SNTG1: variants seen among roughly 807,000 people sequenced by gnomAD.
SNTG1 encodes the protein gamma-1-syntrophin.
SNTG1 carries 39 observed loss-of-function variants against 74.7 expected under a neutral mutation model. The ratio of observed to expected loss-of-function variants is 0.52; its 90% confidence interval spans 0.40 to 0.68. SNTG1 has a LOEUF of 0.68. Ranked by LOEUF, SNTG1 falls within the 30% of genes least tolerant of loss-of-function variation. The pLI is 0.00. For missense variants in SNTG1, 685 were observed against 609.5 expected, an observed-to-expected ratio of 1.12 and a Z score of -1.30; for synonymous variants, 254 against 217.1, an observed-to-expected ratio of 1.17 and a Z score of -1.49.
intron 1 of SNTG1, among the ~76,000 whole-genome samples, chr8:50,111,838 G>T (rs888219418): frequency 6.6e-6 from 1 of 151,942 alleles, no homozygotes. Context: ...GTAAGGAAAA[G>T]AAAGTATCAG....
At position 50,704,754 on chromosome 8, in the gene SNTG1, T is replaced by A. The variant is rs1465478557; in HGVS notation, c.1191+2T>A. 6.2e-7 allele frequency: 1 copy of A among 1,613,528 alleles called. No individual in the cohort carries two copies. The highest frequency in any genetic ancestry group is 8.5e-7 in the Non-Finnish European group (1 of 1,179,790). The stretch of plus-strand genomic sequence containing the variant: ...TTTCTAGAAGTAGAACGGATACAGG[T>A]GAGAGTCTGTGGGACTGCAGGATGT... On this transcript the variant is annotated splice_donor_variant, in intron 16 of 18. Coordinates refer to ENST00000642720, the MANE Select transcript of SNTG1 (RefSeq NM_018967.5). LOFTEE classifies it high-confidence loss of function.
intron 12 of SNTG1, among the ~76,000 whole-genome samples, chr8:50,567,132 T>C (rs146660395): frequency 2.7e-4 from 41 of 152,156 alleles, no homozygotes; most frequent in African/African-American, 9.9e-4. Context: ...TGGACAAAAT[T>C]AGTTGAAATA....
chr8:50,514,064 A>G (rs918194478), intron 9 of SNTG1, among the ~76,000 whole-genome samples: 2 of 152,148 alleles, frequency 1.3e-5, no homozygotes, highest in African/African-American at 4.8e-5. Flanking sequence ...CTCCCCCTGC[A>G]ATATTTCACT....
At chr8:50,189,136 GA>G (rs1306031438) in intron 2 of SNTG1, among the ~76,000 whole-genome samples, 2 of 152,130 alleles carry the variant, frequency 1.3e-5, no homozygotes, top group Non-Finnish European at 2.9e-5. Flanking sequence ...CCTAGACAAG[GA>G]TATTTTGACA....
At chr8:50,011,383 C>A (rs1815781198) in intron 1 of SNTG1, among the ~76,000 whole-genome samples, 1 of 152,140 alleles carries the variant, frequency 6.6e-6, no homozygotes, top group Non-Finnish European at 1.5e-5. Context: ...TAGCCCAATG[C>A]AGGGAGGTGC....
chr8:50,367,643 A>G (rs972730809), intron 2 of SNTG1, among the ~76,000 whole-genome samples: 1 of 152,172 alleles, frequency 6.6e-6, no homozygotes, highest in African/African-American at 2.4e-5. Context: ...ACATTTTGCT[A>G]AAGTATAAAC....
intron 8 of SNTG1, among the ~76,000 whole-genome samples, chr8:50,454,829 T>TAAAAAAAAAGAAAAA (rs2093489459): frequency 1.1e-5 from 1 of 95,148 alleles, no homozygotes; most frequent in Non-Finnish European, 1.9e-5. Flanking sequence ...CAGACAGAGC[T>TAAAAAAAAAGAAAAA]AAAAAAAAAA....
intron 2 of SNTG1, among the ~76,000 whole-genome samples, chr8:50,376,878 GT>G (rs2092398123): frequency 6.6e-6 from 1 of 151,416 alleles, no homozygotes; most frequent in African/African-American, 2.4e-5. Context: ...ACTTTGATCA[GT>G]TGTCTTGTGC....
At chr8:50,140,637 G>T (rs1230881801) in intron 1 of SNTG1, among the ~76,000 whole-genome samples, 1 of 152,066 alleles carries the variant, frequency 6.6e-6, no homozygotes, top group Admixed American at 6.6e-5. Context: ...GTGTGTTTTT[G>T]AGTGTGTGTG....
At chr8:50,275,200 T>A (rs1455807853) in intron 2 of SNTG1, among the ~76,000 whole-genome samples, 1 of 152,202 alleles carries the variant, frequency 6.6e-6, no homozygotes, top group Non-Finnish European at 1.5e-5. Flanking sequence ...TAAAAAATTA[T>A]TAGTTATTGA....
At chr8:50,554,567 G>T (rs1345201449) in intron 12 of SNTG1, among the ~76,000 whole-genome samples, 1 of 151,616 alleles carries the variant, frequency 6.6e-6, no homozygotes, top group Non-Finnish European at 1.5e-5. Flanking sequence ...CTAAACATGG[G>T]TATGTCTAGT....
At chr8:50,270,303 C>A (rs2087712932) in intron 2 of SNTG1, among the ~76,000 whole-genome samples, 1 of 151,930 alleles carries the variant, frequency 6.6e-6, no homozygotes, top group Non-Finnish European at 1.5e-5. Flanking sequence ...AACAGGCTAT[C>A]CAATGAAAAT....
intron 13 of SNTG1, among the ~76,000 whole-genome samples, chr8:50,595,015 T>G (rs1157731909): frequency 8.8e-6 from 1 of 113,408 alleles, no homozygotes; most frequent in South Asian, 2.9e-4. Flanking sequence ...TTAGCTTTAT[T>G]GAAGATGTGT....
At chr8:50,399,798 A>C (rs1166578487) in intron 3 of SNTG1, among the ~76,000 whole-genome samples, 1 of 152,190 alleles carries the variant, frequency 6.6e-6, no homozygotes, top group East Asian at 1.9e-4. Flanking sequence ...ATATTAGGGA[A>C]AGTACAATCT....
intron 12 of SNTG1, among the ~76,000 whole-genome samples, chr8:50,584,399 C>T (rs2094633343): frequency 6.6e-6 from 1 of 152,102 alleles, no homozygotes; most frequent in Admixed American, 6.5e-5. Flanking sequence ...AAAAGTGTTC[C>T]TATGTCTCCA....
At chr8:50,429,302 A>G (rs1222699560) in intron 4 of SNTG1, among the ~76,000 whole-genome samples, 2 of 152,158 alleles carry the variant, frequency 1.3e-5, no homozygotes, top group Non-Finnish European at 2.9e-5. Context: ...ATAATAGATC[A>G]GTGGAATAGA....
chr8:50,567,178 A>G (rs376447762), intron 12 of SNTG1, among the ~76,000 whole-genome samples: 33 of 152,230 alleles, frequency 2.2e-4, no homozygotes, highest in East Asian at 1.9e-3. Context: ...GATCTTTGCC[A>G]AGTGATACAT....
chr8:50,491,886 G>A (rs140959328), intron 8 of SNTG1, among the ~76,000 whole-genome samples: 28 of 137,068 alleles, frequency 2.0e-4, no homozygotes, highest in African/African-American at 8.4e-4. Flanking sequence ...TAGCTCCCCC[G>A]CCCCCCTACC....
In SNTG1 at chr8:50,381,838, A is replaced by AT. The variant is rs1162936964; in HGVS notation, c.-27-12373dup. ...TATATATATAACATATATATATATT[A>AT]TATATATATATATATGAAGGGGAGT... On this transcript the variant is annotated intron_variant, in intron 2 of 18. Coordinates refer to ENST00000642720, the MANE Select transcript of SNTG1 (RefSeq NM_018967.5). 1.1e-3 allele frequency: 136 copies of AT among 126,672 alleles called. 1 individual carries two copies. Among genetic ancestry groups the AT allele is most frequent in the African/African-American group, 2.1e-3 (75 of 35,506 alleles). The allele number at this position is 126,672 out of a possible 1,614,324, so 7.8% of individuals were successfully genotyped here.
Sources: gnomAD v4.1 joint callset for allele counts (sites outside exome capture counted in the v4.1 genomes callset) on GRCh38, gnomAD v4.1.1 for gene constraint, MANE v1.5 for transcripts, NCBI Gene and HGNC (gene_info 2026-07-23, HGNC 2026-07-21) for gene names.